The following PTPN22 variants were observed in gnomAD, a reference collection of about 807,000 sequenced individuals.
PTPN22 encodes tyrosine-protein phosphatase non-receptor type 22.
PTPN22 carries 85 observed loss-of-function variants against 103.3 expected under a neutral mutation model. The observed-to-expected ratio is 0.82, with a 90% CI of 0.69 to 0.99. The LOEUF (loss-of-function observed/expected upper bound fraction) is 0.99, where lower values mean the gene tolerates loss of function less well. Ranked by LOEUF, PTPN22 falls within the 50% of genes least tolerant of loss-of-function variation. The pLI, the probability that PTPN22 is intolerant of heterozygous loss-of-function variation, is 0.00. For missense variants in PTPN22, 865 were observed against 936.9 expected (o/e 0.92, Z 1.00); for synonymous variants, 323 against 310.2 (o/e 1.04, Z -0.43).
intron 5 of PTPN22, chr1:113,856,880 T>C (rs922427035): frequency 2.4e-6 from 1 of 424,990 alleles, no homozygotes; most frequent in African/African-American, 2.0e-5. Context: ...TCACAAGAAC[T>C]AACAGAAATC....
intron 11 of PTPN22, among the ~76,000 whole-genome samples, chr1:113,839,364 G>C (rs1248591047): frequency 6.6e-6 from 1 of 150,928 alleles, no homozygotes; most frequent in East Asian, 2.0e-4. Flanking sequence ...CTACAGGTGT[G>C]TACCACAGTG....
rs962895347 is a variant in PTPN22, at chr1:113,867,026, C to T, written c.87+4511G>A. On this transcript the variant is annotated intron_variant, in intron 1 of 20. Coordinates refer to ENST00000359785, the Ensembl canonical transcript of PTPN22. ...CCTCTCAAAGTGCTGGGATTACAGG[C>T]GCGAGCCACCTCACCTGGCCAAGAT... is the stretch of plus-strand genomic sequence containing the variant. Among the ~76,000 whole-genome samples the T allele has an allele frequency of 2.0e-5, 3 of 152,148 alleles. No homozygotes were observed. In the East Asian group the frequency reaches 5.8e-4, roughly 29 times the overall value.
intron 1 of PTPN22, among the ~76,000 whole-genome samples, chr1:113,867,304 G>A (rs1666201584): frequency 6.6e-6 from 1 of 152,092 alleles, no homozygotes; most frequent in African/African-American, 2.4e-5. Flanking sequence ...GAACACTATT[G>A]GATAAGGATT....
intron 11 of PTPN22, among the ~76,000 whole-genome samples, chr1:113,841,676 C>T (rs1397053857): frequency 3.3e-5 from 5 of 150,560 alleles, no homozygotes; most frequent in Admixed American, 3.3e-4. Flanking sequence ...GATCTCGGCT[C>T]ACTGCAGCCT....
At chr1:113,864,023 C>T (rs1665888268) in intron 1 of PTPN22, among the ~76,000 whole-genome samples, 1 of 151,038 alleles carries the variant, frequency 6.6e-6, no homozygotes, top group African/African-American at 2.4e-5. Context: ...CCCAGCTACT[C>T]GGGAGGCTGA....
chr1:113,818,927 G>T (rs1661370182), intron 20 of PTPN22, among the ~76,000 whole-genome samples: 1 of 151,940 alleles, frequency 6.6e-6, no homozygotes, highest in Non-Finnish European at 1.5e-5. Context: ...CTCAAAGTGT[G>T]ATTCAGGGAC....
chr1:113,832,007 TACG>T (rs1353871511), intron 16 of PTPN22, among the ~76,000 whole-genome samples: 1 of 152,120 alleles, frequency 6.6e-6, no homozygotes, highest in Non-Finnish European at 1.5e-5. Context: ...CTAAAAGCTT[TACG>T]ACATTATTGT....
exon 21 of PTPN22, chr1:113,814,930 T>G: frequency 2.5e-6 from 4 of 1,609,870 alleles, no homozygotes; most frequent in Non-Finnish European, 3.4e-6. Flanking sequence ...TGGTGGTGGA[T>G]TCCTTGGTCC....
exon 1 of PTPN22, chr1:113,871,662 G>T: frequency 6.3e-7 from 1 of 1,581,882 alleles, no homozygotes. Context: ...GTAGGTTGAG[G>T]GAGGGCATGT....
chr1:113,853,504 C>T (rs1664755134), intron 9 of PTPN22, among the ~76,000 whole-genome samples: 1 of 151,144 alleles, frequency 6.6e-6, no homozygotes, highest in South Asian at 2.1e-4. Flanking sequence ...GCATGCGCCA[C>T]CACACCTGGC....
intron 19 of PTPN22, 25 bp downstream of exon 19, chr1:113,825,117 T>A (rs1661938604): frequency 7.0e-7 from 1 of 1,436,900 alleles, no homozygotes; most frequent in Non-Finnish European, 9.5e-7. Context: ...GAAAACGATA[T>A]TTTTAAACAT....
intron 13 of PTPN22, among the ~76,000 whole-genome samples, chr1:113,836,085 A>G (rs1662992626): frequency 6.6e-6 from 1 of 150,942 alleles, no homozygotes; most frequent in Non-Finnish European, 1.5e-5. Context: ...AGATCCAGAT[A>G]AGATATTTTT....
At chr1:113,815,705 G>A (rs547908704) in intron 20 of PTPN22, among the ~76,000 whole-genome samples, 2 of 152,308 alleles carry the variant, frequency 1.3e-5, no homozygotes, top group Admixed American at 6.5e-5. Flanking sequence ...CTGAGACAGA[G>A]TCTTGCTCTG....
chr1:113,814,806 A>G, exon 21 of PTPN22: 1 of 914,598 alleles, frequency 1.1e-6, no homozygotes, highest in Non-Finnish European at 1.8e-6. Context: ...TTCATATTTG[A>G]TATTATGCAT....
intron 13 of PTPN22, among the ~76,000 whole-genome samples, 163 bp from the exon 14 acceptor site, chr1:113,835,156 A>G (rs531843656): frequency 6.6e-6 from 1 of 152,312 alleles, no homozygotes; most frequent in African/African-American, 2.4e-5. Flanking sequence ...AGGAAAAAGC[A>G]AAATAAATTC....
chr1:113,871,049 C>G (rs1666535706), intron 1 of PTPN22, among the ~76,000 whole-genome samples: 2 of 151,852 alleles, frequency 1.3e-5, no homozygotes, highest in Admixed American at 1.3e-4. Flanking sequence ...AAACAAACAA[C>G]AACAACAAAA....
chr1:113,865,920 C>T (rs1240089266), intron 1 of PTPN22, among the ~76,000 whole-genome samples: 2 of 152,194 alleles, frequency 1.3e-5, no homozygotes, highest in African/African-American at 2.4e-5. Flanking sequence ...TCCAAGGTCA[C>T]ATAGCTAATC....
At chr1:113,871,679 T>G in exon 1 of PTPN22, 1 of 1,521,614 alleles carries the variant, frequency 6.6e-7, no homozygotes, top group African/African-American at 1.4e-5. Context: ...ATGTCAAATG[T>G]GTGTCATGGC....
chr1:113,817,716 G>C (rs1212765602), intron 20 of PTPN22, among the ~76,000 whole-genome samples: 1 of 152,156 alleles, frequency 6.6e-6, no homozygotes, highest in Non-Finnish European at 1.5e-5. Flanking sequence ...CAAAGTGCTG[G>C]AATTACAGGC....
Sources: gnomAD v4.1 joint callset for allele counts (sites outside exome capture counted in the v4.1 genomes callset) on GRCh38, gnomAD v4.1.1 for gene constraint, MANE v1.5 for transcripts, NCBI Gene and HGNC (gene_info 2026-07-23, HGNC 2026-07-21) for gene names.